SYN3: variants seen among roughly 807,000 people sequenced by gnomAD.
SYN3 encodes the protein synapsin III.
A neutral mutation model predicts 65.8 loss-of-function variants in SYN3; 35 were observed. The ratio of observed to expected loss-of-function variants is 0.53; its 90% CI spans 0.41 to 0.70. The LOEUF (loss-of-function observed/expected upper bound fraction) is 0.70. SYN3 is among the 30% of genes least tolerant of loss of function. The pLI is 0.00. For missense variants in SYN3, 680 were observed against 749.0 expected, an observed-to-expected ratio of 0.91 and a Z score of 1.08; for synonymous variants, 270 against 292.9, an observed-to-expected ratio of 0.92 and a Z score of 0.80.
intron 6 of SYN3, among the ~76,000 whole-genome samples, chr22:32,598,898 A>T (rs755449518): frequency 6.6e-6 from 1 of 152,212 alleles, no homozygotes; most frequent in African/African-American, 2.4e-5. Context: ...TCCAAAAGCA[A>T]TAAGTACTCA....
chr22:32,628,115 G>T (rs983976254), intron 6 of SYN3, among the ~76,000 whole-genome samples: 1 of 152,014 alleles, frequency 6.6e-6, no homozygotes, highest in Non-Finnish European at 1.5e-5. Flanking sequence ...GTGAGCCACC[G>T]CACCCGGCCA....
At position 32,593,847 on chromosome 22, in the gene SYN3, C is replaced by T. The variant is rs187272501; in HGVS notation, c.774+2827G>A. 5.1e-3 allele frequency among the ~76,000 whole-genome samples: 769 copies of T among 151,920 alleles called. 3 individuals carry two copies. Among genetic ancestry groups the T allele is most frequent in the Non-Finnish European group, 7.9e-3 (534 of 67,976 alleles). On this transcript the variant is annotated intron_variant, in intron 7 of 13. Coordinates refer to ENST00000358763, the MANE Select transcript of SYN3 (RefSeq NM_003490.4). The stretch of plus-strand genomic sequence containing the variant: ...GGATCGTGTGCAGATGGAATAGCCA[C>T]GGTTAGGGATGATGCAGGAAGAAAA...
chr22:32,921,857 C>T (rs2050342447), intron 4 of SYN3, among the ~76,000 whole-genome samples: 1 of 152,226 alleles, frequency 6.6e-6, no homozygotes, highest in African/African-American at 2.4e-5. Flanking sequence ...GGGAGTATTA[C>T]AGATAAGTTA....
At chr22:32,895,164 A>T (rs147950168) in intron 4 of SYN3, among the ~76,000 whole-genome samples, 2 of 152,332 alleles carry the variant, frequency 1.3e-5, no homozygotes, top group Non-Finnish European at 2.9e-5. Context: ...AAGTTTCATC[A>T]TATGGAAATG....
intron 6 of SYN3, among the ~76,000 whole-genome samples, chr22:32,709,611 A>G (rs2060928436): frequency 6.6e-6 from 1 of 152,212 alleles, no homozygotes; most frequent in South Asian, 2.1e-4. Context: ...TCAGTACAAA[A>G]CATTCAGAAA....
At chr22:32,541,305 C>A (rs144432745) in intron 8 of SYN3, among the ~76,000 whole-genome samples, 1 of 152,344 alleles carries the variant, frequency 6.6e-6, no homozygotes, top group African/African-American at 2.4e-5. Flanking sequence ...GACATATATC[C>A]TGTGTGTATG....
At chr22:32,712,515 A>G (rs1601960951) in intron 6 of SYN3, among the ~76,000 whole-genome samples, 1 of 152,350 alleles carries the variant, frequency 6.6e-6, no homozygotes, top group African/African-American at 2.4e-5. Context: ...AATTTGCTGC[A>G]GCAAAAGTGG....
chr22:32,717,713 A>T (rs565708601), intron 6 of SYN3, among the ~76,000 whole-genome samples: 1 of 152,200 alleles, frequency 6.6e-6, no homozygotes, highest in Admixed American at 6.5e-5. Flanking sequence ...TCCAGCTCTC[A>T]AGAGTGGTCA....
At chr22:32,913,013 T>C (rs1371227305) in intron 4 of SYN3, among the ~76,000 whole-genome samples, 1 of 151,596 alleles carries the variant, frequency 6.6e-6, no homozygotes, top group Non-Finnish European at 1.5e-5. Context: ...GGTGTGTAGA[T>C]GAGGTTCGAT....
chr22:32,572,423 CTTCCTTCCTTCCT>C (rs2058784678), intron 7 of SYN3, among the ~76,000 whole-genome samples: 1 of 5,324 alleles, frequency 1.9e-4, no homozygotes, highest in African/African-American at 3.2e-4. Flanking sequence ...TTCCTTCCTT[CTTCCTTCCTTCCT>C]TCCCTCCTTC....
chr22:32,575,944 CACAGA>C (rs1184968505), intron 7 of SYN3, among the ~76,000 whole-genome samples: 1 of 152,038 alleles, frequency 6.6e-6, no homozygotes. Context: ...CAATTTCCCT[CACAGA>C]ACAGAACAGA....
chr22:32,541,805 G>C, intron 7 of SYN3, 92 bp from the exon 8 acceptor site: 10 of 1,446,774 alleles, frequency 6.9e-6, no homozygotes, highest in Non-Finnish European at 9.3e-6. Flanking sequence ...CTATAGACAC[G>C]AATTCCCTTC....
rs556862797 is a variant in SYN3, at chr22:32,509,752, T to C, written c.*3940A>G. 1.3e-5 allele frequency among the ~76,000 whole-genome samples: 2 copies of C among 152,100 alleles called. No individual in the cohort carries two copies. Among genetic ancestry groups the C allele is most frequent in the Non-Finnish European group, 2.9e-5 (2 of 68,004 alleles). On this transcript the variant is annotated 3_prime_UTR_variant, in exon 14 of 14. Coordinates refer to ENST00000358763, the MANE Select transcript of SYN3 (RefSeq NM_003490.4). The stretch of plus-strand genomic sequence containing the variant: ...CCCGGCTAATTTTTTATATTTTTAG[T>C]AGAGATGGGGTTTCACCGTGTTAGC...
At chr22:32,674,406 T>C (rs2060412626) in intron 6 of SYN3, among the ~76,000 whole-genome samples, 1 of 152,152 alleles carries the variant, frequency 6.6e-6, no homozygotes, top group South Asian at 2.1e-4. Flanking sequence ...AGAATGTTCA[T>C]GTCATGAGGG....
intron 3 of SYN3, among the ~76,000 whole-genome samples, chr22:32,955,020 C>T (rs1023947520): frequency 3.3e-5 from 5 of 150,636 alleles, no homozygotes; most frequent in Non-Finnish European, 5.9e-5. Flanking sequence ...ACTCAGACTT[C>T]CTTTTCTATT....
At chr22:32,813,283 G>A (rs2046961807) in intron 6 of SYN3, among the ~76,000 whole-genome samples, 1 of 152,130 alleles carries the variant, frequency 6.6e-6, no homozygotes, top group Non-Finnish European at 1.5e-5. Flanking sequence ...ATGATAAACA[G>A]CATCTGAGCT....
chr22:32,589,095 G>C (rs9621505), intron 7 of SYN3, among the ~76,000 whole-genome samples: 37,110 of 152,188 alleles, frequency 0.24, 4,460 homozygotes, highest in South Asian at 0.33. Context: ...ACTGCCTGTG[G>C]GGTAGCCCTG....
chr22:32,868,523 C>T (rs944835571), intron 5 of SYN3, among the ~76,000 whole-genome samples: 1 of 151,954 alleles, frequency 6.6e-6, no homozygotes, highest in African/African-American at 2.4e-5. Context: ...TCACCACAAC[C>T]TCCGCCTCCC....
chr22:32,576,199 C>T (rs1013122463), intron 7 of SYN3, among the ~76,000 whole-genome samples: 1 of 152,142 alleles, frequency 6.6e-6, no homozygotes, highest in Non-Finnish European at 1.5e-5. Context: ...TCTCGCAGAC[C>T]TGGCTTGAGG....
Sources: gnomAD v4.1 joint callset for allele counts (sites outside exome capture counted in the v4.1 genomes callset) on GRCh38, gnomAD v4.1.1 for gene constraint, MANE v1.5 for transcripts, NCBI Gene and HGNC (gene_info 2026-07-23, HGNC 2026-07-21) for gene names.